TMEM178B: variants seen among roughly 807,000 people sequenced by gnomAD.
TMEM178B encodes transmembrane protein 178B.
A neutral mutation model predicts 31.0 loss-of-function variants in TMEM178B; 5 were observed. The observed-to-expected ratio is 0.16, with a 90% CI of 0.08 to 0.34. The LOEUF is 0.34. Ranked by LOEUF, TMEM178B falls within the 10% of genes least tolerant of loss-of-function variation. The pLI, the probability that TMEM178B is intolerant of heterozygous loss-of-function variation, is 1.00. For missense variants in TMEM178B, 275 were observed against 400.3 expected (o/e 0.69, Z 2.67); for synonymous variants, 164 against 164.0 (o/e 1.00, Z 0.00).
chr7:141,226,481 A>G (rs1797343402), intron 2 of TMEM178B, among the ~76,000 whole-genome samples: 1 of 152,172 alleles, frequency 6.6e-6, no homozygotes. Context: ...CAAAAAGAAT[A>G]GGGACTTCTG....
intron 2 of TMEM178B, among the ~76,000 whole-genome samples, chr7:141,308,871 A>G (rs1266428592): frequency 6.6e-6 from 1 of 152,184 alleles, no homozygotes; most frequent in Non-Finnish European, 1.5e-5. Context: ...CCTTTGTCAT[A>G]TTTGTGTTTC....
chr7:141,496,665 G>A, the TMEM178B span, among the ~76,000 whole-genome samples: 6 of 93,224 alleles, frequency 6.4e-5, no homozygotes, highest in Admixed American at 3.0e-4. Context: ...GCGAGACTCC[G>A]TCTCAAAAAA....
intron 2 of TMEM178B, among the ~76,000 whole-genome samples, chr7:141,244,813 G>C (rs536752331): frequency 6.6e-6 from 1 of 152,036 alleles, no homozygotes; most frequent in African/African-American, 2.4e-5. Flanking sequence ...TTGCCCTCGG[G>C]GGGAAGAAGA....
intron 1 of TMEM178B, among the ~76,000 whole-genome samples, chr7:141,099,338 T>C (rs1795014959): frequency 6.6e-6 from 1 of 152,210 alleles, no homozygotes; most frequent in African/African-American, 2.4e-5. Context: ...ATGTGAAATT[T>C]AAACTATTAG....
At chr7:141,404,071 C>A (rs533835700) in intron 2 of TMEM178B, among the ~76,000 whole-genome samples, 1 of 152,124 alleles carries the variant, frequency 6.6e-6, no homozygotes, top group African/African-American at 2.4e-5. Flanking sequence ...TCTGGGGGGC[C>A]GAGACGGGCG....
intron 2 of TMEM178B, among the ~76,000 whole-genome samples, chr7:141,375,042 A>G (rs997536647): frequency 4.6e-5 from 7 of 152,208 alleles, no homozygotes; most frequent in Non-Finnish European, 8.8e-5. Context: ...TCGTAATTTA[A>G]TGTATCCTTG....
At chr7:141,215,822 C>CT (rs1563120310) in intron 2 of TMEM178B, among the ~76,000 whole-genome samples, 4 of 70,088 alleles carry the variant, frequency 5.7e-5, no homozygotes, top group South Asian at 5.3e-4. Context: ...TTCTTTCTTT[C>CT]TTTCTTTCTT....
chr7:141,295,095 A>G (rs939489259), intron 2 of TMEM178B, among the ~76,000 whole-genome samples: 1 of 152,220 alleles, frequency 6.6e-6, no homozygotes, highest in African/African-American at 2.4e-5. Flanking sequence ...GGGGTCTCCC[A>G]TGGCCAGAGC....
chr7:141,244,817 A>G (rs558583434), intron 2 of TMEM178B, among the ~76,000 whole-genome samples: 50 of 152,108 alleles, frequency 3.3e-4, no homozygotes, highest in Non-Finnish European at 5.7e-4. Context: ...CCTCGGGGGG[A>G]AGAAGAACTC....
intron 2 of TMEM178B, among the ~76,000 whole-genome samples, chr7:141,382,982 A>G (rs1234968644): frequency 6.6e-6 from 1 of 152,052 alleles, no homozygotes; most frequent in Non-Finnish European, 1.5e-5. Flanking sequence ...TCCCACCCCA[A>G]TCTCCTTGGA....
chr7:141,507,049 C>T, the TMEM178B span, among the ~76,000 whole-genome samples: 39 of 152,166 alleles, frequency 2.6e-4, no homozygotes, highest in African/African-American at 4.8e-4. Flanking sequence ...TGGACTTGGG[C>T]GGCTCTACCC....
rs980378288 is a variant in TMEM178B at position 141,473,648 on chromosome 7, A to T, written c.*2862A>T. ...GTTAGAAAGCTCCCAGGAAAGACGT[A>T]AACAACCTGGGCTCAACTCACCAGC... On this transcript the variant is annotated 3_prime_UTR_variant, in exon 4 of 4. Coordinates refer to ENST00000565468, the MANE Select transcript of TMEM178B (RefSeq NM_001195278.2). The T allele has an allele frequency of 6.6e-6, 1 of 152,210 alleles. No homozygotes were observed. The highest frequency in any genetic ancestry group is 1.5e-5 in the Non-Finnish European group (1 of 68,034). 9.4% of individuals were successfully genotyped at this position (152,210 alleles called of 1,614,324 possible).
At chr7:141,331,757 C>G (rs1799304064) in intron 2 of TMEM178B, among the ~76,000 whole-genome samples, 2 of 152,118 alleles carry the variant, frequency 1.3e-5, no homozygotes, top group Admixed American at 6.5e-5. Context: ...TGCAGTGAGC[C>G]TGATGGAGGG....
intron 2 of TMEM178B, among the ~76,000 whole-genome samples, chr7:141,340,801 T>A (rs1335917536): frequency 6.6e-6 from 1 of 152,258 alleles, no homozygotes; most frequent in Non-Finnish European, 1.5e-5. Context: ...ATGAGCCTAG[T>A]ACACTTTTAG....
At chr7:141,196,198 T>G (rs1425594304) in intron 1 of TMEM178B, among the ~76,000 whole-genome samples, 1 of 152,200 alleles carries the variant, frequency 6.6e-6, no homozygotes, top group African/African-American at 2.4e-5. Flanking sequence ...CTCTATAATA[T>G]TCTATCATGT....
chr7:141,435,665 G>A (rs765979878), intron 2 of TMEM178B, among the ~76,000 whole-genome samples: 33 of 152,322 alleles, frequency 2.2e-4, no homozygotes, highest in Non-Finnish European at 2.5e-4. Context: ...GGCTGCCCAC[G>A]CAGGCCGCTG....
intron 1 of TMEM178B, among the ~76,000 whole-genome samples, chr7:141,123,307 G>C (rs1795438756): frequency 6.6e-6 from 1 of 152,242 alleles, no homozygotes; most frequent in African/African-American, 2.4e-5. Context: ...TTCAGGCCTA[G>C]TGCCAAGACT....
chr7:141,257,783 G>A (rs544580064), intron 2 of TMEM178B, among the ~76,000 whole-genome samples: 5 of 151,736 alleles, frequency 3.3e-5, no homozygotes, highest in East Asian at 3.9e-4. Flanking sequence ...AAATCTAGAT[G>A]GACAGTCTCT....
At chr7:141,319,149 A>G (rs976621005) in intron 2 of TMEM178B, among the ~76,000 whole-genome samples, 1 of 152,226 alleles carries the variant, frequency 6.6e-6, no homozygotes, top group South Asian at 2.1e-4. Context: ...TAGGAGAGTC[A>G]CTCTAGAAAT....
Sources: allele counts gnomAD v4.1 joint callset (sites outside exome capture counted in the v4.1 genomes callset), GRCh38; gene constraint gnomAD v4.1.1; transcripts MANE v1.5; gene names NCBI Gene and HGNC (gene_info 2026-07-23, HGNC 2026-07-21).